Variants in GALNT13 observed in about 807,000 individuals in gnomAD.
The protein encoded by GALNT13 is polypeptide N-acetylgalactosaminyltransferase 13, also known as UDP-GalNAc:polypeptide N-acetylgalactosaminyltransferase 13.
In GALNT13, 28 loss-of-function variants were observed where a neutral mutation model predicts 64.2. The ratio of observed to expected loss-of-function variants is 0.44; its 90% CI spans 0.32 to 0.60. GALNT13 has a LOEUF of 0.60. Among genes scored for constraint, GALNT13 ranks in the 20% least tolerant of loss-of-function variants. GALNT13 has a pLI of 0.05. For missense variants in GALNT13, 577 were observed against 669.8 expected (o/e 0.86, Z 1.53); for synonymous variants, 214 against 224.6 (o/e 0.95, Z 0.42).
chr2:154,042,538 C>A (rs1252205385), intron 3 of GALNT13, among the ~76,000 whole-genome samples: 1 of 138,794 alleles, frequency 7.2e-6, no homozygotes, highest in African/African-American at 2.5e-5. Context: ...GCCTTCCAGA[C>A]AATATCATAA....
At chr2:154,035,207 A>C (rs1427189437) in intron 3 of GALNT13, among the ~76,000 whole-genome samples, 1 of 152,100 alleles carries the variant, frequency 6.6e-6, no homozygotes, top group South Asian at 2.1e-4. Flanking sequence ...CTTATTGCTC[A>C]TCTCGTCTCT....
At chr2:153,222,963 C>A in the GALNT13 span, among the ~76,000 whole-genome samples, 2 of 152,176 alleles carry the variant, frequency 1.3e-5, no homozygotes. Context: ...CCTCCTGCCC[C>A]CTGACTCGGT....
the GALNT13 span, among the ~76,000 whole-genome samples, chr2:153,828,579 C>T: frequency 6.6e-6 from 1 of 152,160 alleles, no homozygotes; most frequent in African/African-American, 2.4e-5. Context: ...GCATGGAGAC[C>T]TTGAACCTGG....
At chr2:153,106,346 C>A in the GALNT13 span, among the ~76,000 whole-genome samples, 1 of 152,190 alleles carries the variant, frequency 6.6e-6, no homozygotes, top group East Asian at 1.9e-4. Flanking sequence ...CTTTTCTGAA[C>A]TTAACCCGTC....
chr2:153,081,534 C>T, the GALNT13 span, among the ~76,000 whole-genome samples: 1 of 152,176 alleles, frequency 6.6e-6, no homozygotes, highest in Non-Finnish European at 1.5e-5. Context: ...TTCCCAGCTT[C>T]TGGTAACCAT....
At chr2:154,343,312 G>A (rs1695876902) in intron 9 of GALNT13, among the ~76,000 whole-genome samples, 1 of 152,050 alleles carries the variant, frequency 6.6e-6, no homozygotes, top group South Asian at 2.1e-4. Flanking sequence ...GTTTAGGGAA[G>A]GGGAACAACT....
rs976426559 is a variant in GALNT13, at chr2:154,046,249, A to G, written c.143-94088A>G. 3.3e-5 allele frequency among the ~76,000 whole-genome samples: 5 copies of G among 152,296 alleles called. No homozygotes were observed. The South Asian group carries it at 8.3e-4, about 25-fold the overall frequency. On this transcript the variant is annotated intron_variant, in intron 3 of 12. Coordinates refer to ENST00000392825, the MANE Select transcript of GALNT13 (RefSeq NM_052917.4). Reference sequence around the variant, plus strand: ...CTGAAGCAGGAGGATTGCTGTAGCCAAAGAGTTTGAGGTTTCAGGGAGCCC... The same window carrying G: ...CTGAAGCAGGAGGATTGCTGTAGCCGAAGAGTTTGAGGTTTCAGGGAGCCC...
At chr2:154,323,606 C>T (rs4140691) in intron 9 of GALNT13, among the ~76,000 whole-genome samples, 151,387 of 152,196 alleles carry the variant, frequency 0.99, 75,296 homozygotes, top group Middle Eastern at 1. Flanking sequence ...TACAACTTTA[C>T]GTGGTTAAAA....
chr2:153,116,142 G>A, the GALNT13 span, among the ~76,000 whole-genome samples: 1 of 152,034 alleles, frequency 6.6e-6, no homozygotes, highest in Non-Finnish European at 1.5e-5. Flanking sequence ...TCTAAATTGG[G>A]TTTTCTTGAT....
the GALNT13 span, among the ~76,000 whole-genome samples, chr2:153,283,453 G>A: frequency 6.6e-6 from 1 of 152,128 alleles, no homozygotes; most frequent in African/African-American, 2.4e-5. Context: ...AGGTGAATGG[G>A]ATATGCCTGG....
chr2:153,552,972 C>T, the GALNT13 span, among the ~76,000 whole-genome samples: 1 of 152,154 alleles, frequency 6.6e-6, no homozygotes, highest in Admixed American at 6.5e-5. Flanking sequence ...CAGCTCACCT[C>T]CTGCTGTGTG....
the GALNT13 span, among the ~76,000 whole-genome samples, chr2:153,428,097 C>G: frequency 6.6e-6 from 1 of 152,190 alleles, no homozygotes; most frequent in Non-Finnish European, 1.5e-5. Flanking sequence ...TGCTTCCAAA[C>G]AGGGCCCAAC....
At chr2:153,660,362 A>C in the GALNT13 span, among the ~76,000 whole-genome samples, 1 of 151,962 alleles carries the variant, frequency 6.6e-6, no homozygotes, top group Non-Finnish European at 1.5e-5. Flanking sequence ...AGCACATCAC[A>C]CCTGGATTTG....
intron 9 of GALNT13, among the ~76,000 whole-genome samples, chr2:154,347,731 T>C (rs571701853): frequency 5.3e-5 from 8 of 152,330 alleles, no homozygotes; most frequent in African/African-American, 1.9e-4. Context: ...CATATTGCTG[T>C]AGGTGTGTGG....
chr2:153,807,203 C>T, the GALNT13 span, among the ~76,000 whole-genome samples: 4 of 151,656 alleles, frequency 2.6e-5, no homozygotes, highest in African/African-American at 9.7e-5. Flanking sequence ...TGTATATCCT[C>T]CCAGATATTT....
At chr2:154,070,297 T>G (rs994625055) in intron 3 of GALNT13, among the ~76,000 whole-genome samples, 1 of 152,112 alleles carries the variant, frequency 6.6e-6, no homozygotes, top group African/African-American at 2.4e-5. Flanking sequence ...AGAAACTGCA[T>G]TATGTAAAGT....
the GALNT13 span, among the ~76,000 whole-genome samples, chr2:153,457,293 TAA>T: frequency 6.6e-6 from 1 of 152,244 alleles, no homozygotes; most frequent in African/African-American, 2.4e-5. Context: ...TCAAAATGTA[TAA>T]GTTACTGTTG....
At chr2:154,166,868 A>G (rs1474469417) in intron 4 of GALNT13, among the ~76,000 whole-genome samples, 1 of 152,156 alleles carries the variant, frequency 6.6e-6, no homozygotes, top group African/African-American at 2.4e-5. Context: ...TGAGCAAACT[A>G]TCGCAAGGAC....
the GALNT13 span, among the ~76,000 whole-genome samples, chr2:153,241,255 C>T: frequency 6.6e-6 from 1 of 152,202 alleles, no homozygotes; most frequent in Admixed American, 6.5e-5. Context: ...TCGTCTTGCC[C>T]AGAGAGCACT....
Sources: allele counts gnomAD v4.1 joint callset (sites outside exome capture counted in the v4.1 genomes callset), GRCh38; gene constraint gnomAD v4.1.1; transcripts MANE v1.5; gene names NCBI Gene and HGNC (gene_info 2026-07-23, HGNC 2026-07-21).